Variants in NLGN4X observed in about 807,000 individuals in gnomAD.
NLGN4X encodes the protein neuroligin 4 X-linked.
Under a neutral mutation model 40.3 loss-of-function variants are expected in NLGN4X, and 3 were observed. The observed-to-expected ratio is 0.07, with a 90% CI of 0.03 to 0.19. The LOEUF is 0.19. Among genes scored for constraint, NLGN4X ranks in the 10% least tolerant of loss-of-function variants. The pLI is 1.00. For missense variants in NLGN4X, 382 were observed against 708.3 expected (o/e 0.54, Z 5.23); for synonymous variants, 270 against 306.8 (o/e 0.88, Z 1.25).
chrX:6,207,710 T>A (rs1924154578), intron 1 of NLGN4X, among the ~76,000 whole-genome samples: 1 of 112,232 alleles, frequency 8.9e-6, no homozygotes, highest in Non-Finnish European at 1.9e-5. Context: ...TGAAAGTTGG[T>A]GCTTCAAATG....
intron 2 of NLGN4X, among the ~76,000 whole-genome samples, chrX:6,054,711 G>A (rs2037576289): frequency 9.0e-6 from 1 of 111,194 alleles, no homozygotes; most frequent in Non-Finnish European, 1.9e-5. Context: ...AAGGTGGAGT[G>A]CAATGGTGTA....
At chrX:6,150,254 CT>C (rs2040136143) in intron 2 of NLGN4X, among the ~76,000 whole-genome samples, 1 of 112,138 alleles carries the variant, frequency 8.9e-6, no homozygotes, top group Non-Finnish European at 1.9e-5. Context: ...AGACATAAAA[CT>C]ATTCATGTTT....
intron 2 of NLGN4X, among the ~76,000 whole-genome samples, chrX:6,065,032 T>C (rs772961202): frequency 1.1e-3 from 119 of 111,617 alleles, no homozygotes; most frequent in African/African-American, 3.8e-3. Context: ...AAGTACTGCA[T>C]ATTCTCACTT....
intron 5 of NLGN4X, 149 bp from the exon 6 acceptor site, chrX:5,893,815 C>T: frequency 1.5e-6 from 1 of 678,051 alleles, no homozygotes; most frequent in African/African-American, 2.2e-5. Context: ...AAGGTACATT[C>T]TGCTTTAATC....
intron 3 of NLGN4X, among the ~76,000 whole-genome samples, chrX:6,014,662 C>T (rs1569186288): frequency 1.8e-5 from 2 of 111,929 alleles, no homozygotes; most frequent in East Asian, 2.8e-4. Flanking sequence ...ATTAATGGAA[C>T]TGATAAGTAG....
intron 2 of NLGN4X, among the ~76,000 whole-genome samples, chrX:6,096,190 G>A (rs1029425255): frequency 1.8e-5 from 2 of 111,655 alleles, no homozygotes; most frequent in African/African-American, 6.5e-5. Context: ...CTAGGGGGAT[G>A]CCTAACCACT....
chrX:6,179,315 A>G (rs937510673), intron 1 of NLGN4X, among the ~76,000 whole-genome samples: 2 of 111,572 alleles, frequency 1.8e-5, no homozygotes, highest in African/African-American at 6.5e-5. Flanking sequence ...AAAAAGAGGC[A>G]TATTTTGTTC....
chrX:6,108,123 T>C (rs952567285), intron 2 of NLGN4X, among the ~76,000 whole-genome samples: 1 of 111,785 alleles, frequency 8.9e-6, no homozygotes, highest in Non-Finnish European at 1.9e-5. Context: ...GCTAGGAAAA[T>C]ACACAGTGGA....
At position 5,892,483 on chromosome X, in the gene NLGN4X, T is replaced by C. The variant is rs1229766923; in HGVS notation, c.*334A>G. On this transcript the variant is annotated 3_prime_UTR_variant, in exon 6 of 6. Transcript: ENST00000381095. Reference sequence around the variant, plus strand: ...AGAAGTGTCAGCTGCTTCCATGACGTTGGAAACACCCGGGGCCTTGAAATG... The same window carrying C: ...AGAAGTGTCAGCTGCTTCCATGACGCTGGAAACACCCGGGGCCTTGAAATG... 1.6e-5 allele frequency: 4 copies of C among 250,827 alleles called. No individual in the cohort carries two copies. Among genetic ancestry groups the C allele is most frequent in the African/African-American group, 2.8e-5 (1 of 35,742 alleles). 20.7% of individuals were successfully genotyped at this position (250,827 alleles called of 1,213,427 possible). A position where few individuals can be genotyped will look rare whatever the true frequency, so the allele number is the denominator to read the frequency against.
At chrX:6,152,272 T>A (rs1337876186) in intron 1 of NLGN4X, among the ~76,000 whole-genome samples, 1 of 111,868 alleles carries the variant, frequency 8.9e-6, no homozygotes, top group Non-Finnish European at 1.9e-5. Context: ...GTACATCCTA[T>A]CACCATGAAC....
At chrX:5,919,719 T>C (rs2032954055) in intron 3 of NLGN4X, among the ~76,000 whole-genome samples, 1 of 111,679 alleles carries the variant, frequency 9.0e-6, no homozygotes, top group Non-Finnish European at 1.9e-5. Context: ...GAGAATCTAA[T>C]GCCTGATGAT....
At chrX:6,163,984 G>C (rs910386133) in intron 1 of NLGN4X, among the ~76,000 whole-genome samples, 14 of 112,700 alleles carry the variant, frequency 1.2e-4, no homozygotes, top group Non-Finnish European at 2.3e-4. Context: ...TTAGGTTTCA[G>C]GGCATTCTCC....
intron 2 of NLGN4X, among the ~76,000 whole-genome samples, chrX:6,127,833 A>G (rs2039593687): frequency 8.9e-6 from 1 of 111,928 alleles, no homozygotes; most frequent in Admixed American, 9.5e-5. Flanking sequence ...CGTAGGAGAA[A>G]CCGTTAGAAA....
At position 6,029,295 on chromosome X, in the gene NLGN4X, G is replaced by A; in HGVS notation, c.610C>T (p.Arg204Cys). 2 of 1,210,795 alleles carry A rather than the reference G, an allele frequency of 1.7e-6. No homozygotes were observed. The highest frequency in any genetic ancestry group is 2.2e-6 in the Non-Finnish European group (2 of 895,046). Reference protein sequence around the residue: ...GNVIVITINYRLGILGFLSTG... With the variant: ...GNVIVITINYCLGILGFLSTG... ...AATCACTTACCTAGTATTCCCAGAC[G>A]GTAGTTAATGGTGATCACGATGACG... Residue 204 changes from arginine (R) to cysteine (C), a missense_variant, in exon 3 of 6, where the codon CGT becomes TGT. Coordinates refer to ENST00000381095, the MANE Select transcript of NLGN4X (RefSeq NM_181332.3).
chrX:5,997,605 T>C (rs1423686124), intron 3 of NLGN4X, among the ~76,000 whole-genome samples: 45 of 14,050 alleles, frequency 3.2e-3, no homozygotes, highest in Non-Finnish European at 5.5e-3. Context: ...TATACACATA[T>C]ATATATACAC....
chrX:5,997,586 G>GTATATATATACACATA (rs1192910622), intron 3 of NLGN4X, among the ~76,000 whole-genome samples: 78 of 46,819 alleles, frequency 1.7e-3, no homozygotes, highest in Admixed American at 5.9e-3. Context: ...GTGTGTGTGT[G>GTATATATATACACATA]TATATATATA....
intron 3 of NLGN4X, among the ~76,000 whole-genome samples, chrX:5,981,207 C>A (rs1328915774): frequency 3.6e-5 from 4 of 110,748 alleles, no homozygotes; most frequent in African/African-American, 9.8e-5. Flanking sequence ...ATAAAAATAG[C>A]AAAAGACCTA....
intron 1 of NLGN4X, among the ~76,000 whole-genome samples, chrX:6,216,796 T>G (rs777440591): frequency 8.9e-6 from 1 of 112,033 alleles, no homozygotes; most frequent in South Asian, 3.7e-4. Flanking sequence ...TTTGAATTCT[T>G]TTTAAGAGAT....
intron 1 of NLGN4X, among the ~76,000 whole-genome samples, chrX:6,187,225 C>T (rs1400265284): frequency 1.9e-5 from 2 of 105,902 alleles, no homozygotes; most frequent in African/African-American, 6.9e-5. Flanking sequence ...TTTGAGCCAC[C>T]GCGCCCGGCC....
Sources: gnomAD v4.1 joint callset for allele counts (sites outside exome capture counted in the v4.1 genomes callset) on GRCh38, gnomAD v4.1.1 for gene constraint, MANE v1.5 for transcripts, NCBI Gene and HGNC (gene_info 2026-07-23, HGNC 2026-07-21) for gene names.